JPH2: variants seen among roughly 807,000 people sequenced by gnomAD.
JPH2 encodes junctophilin 2, also known as junctophilin-2.
A neutral mutation model predicts 55.9 loss-of-function variants in JPH2; 38 were observed. That is an observed-to-expected ratio of 0.68 (90% confidence interval 0.52 to 0.89). The LOEUF is 0.89. Among genes scored for constraint, JPH2 ranks in the 40% least tolerant of loss-of-function variants. The pLI, the probability that JPH2 is intolerant of heterozygous loss-of-function variation, is 0.00. For synonymous variants in JPH2, 480 were observed against 472.4 expected (o/e 1.02, Z -0.21); for missense variants, 964 against 1,037.6 (o/e 0.93, Z 0.97).
chr20:44,109,984 C>T lies in JPH2; in HGVS notation c.*3534G>A, dbSNP rs2072130775. Among the ~76,000 whole-genome samples, 1 of 152,162 alleles carries T rather than the reference C, an allele frequency of 6.6e-6. No homozygotes were observed. Among genetic ancestry groups the T allele is most frequent in the South Asian group, 2.1e-4 (1 of 4,836 alleles). On this transcript the variant is annotated 3_prime_UTR_variant, in exon 6 of 6. Transcript: ENST00000372980. Reference sequence around the variant, plus strand: ...TGCATGGTACAAACCACCTTAAATGCATTCCGGGCATGGCAGGAGACCCAT... The same window carrying T: ...TGCATGGTACAAACCACCTTAAATGTATTCCGGGCATGGCAGGAGACCCAT...
At chr20:44,155,561 G>A (rs1321422314) in intron 2 of JPH2, among the ~76,000 whole-genome samples, 1 of 152,210 alleles carries the variant, frequency 6.6e-6, no homozygotes, top group East Asian at 1.9e-4. Context: ...AGTGTGGGCT[G>A]CACTGAGTGT....
At chr20:44,164,276 T>C (rs2072638355) in intron 1 of JPH2, among the ~76,000 whole-genome samples, 1 of 152,164 alleles carries the variant, frequency 6.6e-6, no homozygotes, top group Non-Finnish European at 1.5e-5. Flanking sequence ...TGTGATCCCA[T>C]TGGATGGAGG....
chr20:44,173,505 CAG>C lies in JPH2; in HGVS notation c.379+12820_379+12821del, dbSNP rs1452769740. Among the ~76,000 whole-genome samples the C allele has an allele frequency of 1.1e-4, 17 of 152,168 alleles. No individual in the cohort carries two copies. In the South Asian group the frequency reaches 3.3e-3, roughly 30 times the overall value. On this transcript the variant is annotated intron_variant, in intron 1 of 5. Transcript: ENST00000372980. ...TAAAAAATGCTACCTTCCAAACTTT[CAG>C]AGACATAAATTTAAATAATAAACCC...
chr20:44,170,675 A>G (rs1049357194), intron 1 of JPH2, among the ~76,000 whole-genome samples: 1 of 152,248 alleles, frequency 6.6e-6, no homozygotes, highest in Admixed American at 6.5e-5. Context: ...TGGACCCAGC[A>G]TCCCAGAGAA....
At chr20:44,146,882 C>A (rs1431106830) in intron 2 of JPH2, among the ~76,000 whole-genome samples, 1 of 152,186 alleles carries the variant, frequency 6.6e-6, no homozygotes, top group African/African-American at 2.4e-5. Context: ...TAAATTGCAA[C>A]CCTTTTGGAT....
At chr20:44,129,839 G>A (rs1040273484) in intron 2 of JPH2, among the ~76,000 whole-genome samples, 2 of 152,132 alleles carry the variant, frequency 1.3e-5, no homozygotes, top group African/African-American at 4.8e-5. Flanking sequence ...AGAAGCCAAT[G>A]TGATGATGGG....
At chr20:44,133,716 G>C (rs1374934399) in intron 2 of JPH2, among the ~76,000 whole-genome samples, 2 of 150,694 alleles carry the variant, frequency 1.3e-5, no homozygotes, top group East Asian at 1.9e-4. Flanking sequence ...GAAAGGCCTG[G>C]GTTAAAAACC....
intron 2 of JPH2, among the ~76,000 whole-genome samples, chr20:44,134,250 C>A (rs563156912): frequency 3.1e-4 from 4 of 13,058 alleles, no homozygotes; most frequent in African/African-American, 3.8e-4. Flanking sequence ...ATTATAAATA[C>A]ATATAAATAA....
Position 44,137,428 on chromosome 20 carries a change from C to T in JPH2, c.1170-18805G>A, listed in dbSNP as rs61418569. On this transcript the variant is annotated intron_variant, in intron 2 of 5. Coordinates refer to ENST00000372980, the MANE Select transcript of JPH2 (RefSeq NM_020433.5). Reference sequence around the variant, plus strand: ...CTCCCGCCCCTCCCCAGGTGGGGCTCGGCTGGGGCATTCCAGCTTTTCCCA... The same window carrying T: ...CTCCCGCCCCTCCCCAGGTGGGGCTTGGCTGGGGCATTCCAGCTTTTCCCA... Among the ~76,000 whole-genome samples the T allele has an allele frequency of 1.7e-3, 258 of 152,298 alleles. 1 individual carries two copies. The highest frequency in any genetic ancestry group is 5.8e-3 in the African/African-American group (241 of 41,562).
chr20:44,153,377 A>G (rs981259897), intron 2 of JPH2, among the ~76,000 whole-genome samples: 1 of 152,226 alleles, frequency 6.6e-6, no homozygotes, highest in African/African-American at 2.4e-5. Flanking sequence ...CACACAGTTT[A>G]TAAGAGGCTG....
chr20:44,147,648 T>G lies in JPH2; in HGVS notation c.1169+11970A>C, dbSNP rs6103654. Among the ~76,000 whole-genome samples, 6 of 152,358 alleles carry G rather than the reference T, an allele frequency of 3.9e-5. No individual in the cohort carries two copies. In the East Asian group the frequency reaches 1.2e-3, roughly 29 times the overall value. ...ACAGGGGATTTATTACTTTTTTATT[T>G]TGTACGTGTATGACCTTCCTTGGAT... On this transcript the variant is annotated intron_variant, in intron 2 of 5. Transcript: ENST00000372980.
At chr20:44,121,622 A>G (rs942407293) in intron 2 of JPH2, among the ~76,000 whole-genome samples, 26 of 149,942 alleles carry the variant, frequency 1.7e-4, no homozygotes, top group Admixed American at 1.5e-3. Flanking sequence ...TAACCCCCCA[A>G]TAACTCTACA....
At chr20:44,120,370 T>C (rs1451606137) in intron 2 of JPH2, among the ~76,000 whole-genome samples, 1 of 152,176 alleles carries the variant, frequency 6.6e-6, no homozygotes, top group Non-Finnish European at 1.5e-5. Context: ...GAGATGTCTG[T>C]TTCAGCTGTC....
At chr20:44,118,291 T>A (rs1323930370) in intron 3 of JPH2, among the ~76,000 whole-genome samples, 1 of 152,184 alleles carries the variant, frequency 6.6e-6, no homozygotes, top group African/African-American at 2.4e-5. Context: ...TTGGAGTGAC[T>A]CTGCTGCCCT....
intron 2 of JPH2, among the ~76,000 whole-genome samples, chr20:44,149,816 A>C (rs1047855199): frequency 6.6e-6 from 1 of 152,190 alleles, no homozygotes; most frequent in Non-Finnish European, 1.5e-5. Flanking sequence ...CATCTCTACT[A>C]AAAATACAAA....
At chr20:44,165,450 G>A (rs112259693) in intron 1 of JPH2, among the ~76,000 whole-genome samples, 7,710 of 152,196 alleles carry the variant, frequency 0.051, 294 homozygotes, top group Non-Finnish European at 0.079. Context: ...CTCTCACCTG[G>A]ATTTTCATAG....
intron 2 of JPH2, among the ~76,000 whole-genome samples, chr20:44,151,873 T>G (rs2072533194): frequency 6.6e-6 from 1 of 152,222 alleles, no homozygotes; most frequent in African/African-American, 2.4e-5. Context: ...CCTACCTTCA[T>G]GTCTTTGCAC....
chr20:44,164,066 G>A (rs987788810), intron 1 of JPH2, among the ~76,000 whole-genome samples: 1 of 152,222 alleles, frequency 6.6e-6, no homozygotes, highest in African/African-American at 2.4e-5. Flanking sequence ...GAGAAGTTAT[G>A]TGACTTGCCC....
At chr20:44,144,104 TAG>T (rs947867801) in intron 2 of JPH2, among the ~76,000 whole-genome samples, 21 of 152,146 alleles carry the variant, frequency 1.4e-4, no homozygotes, top group African/African-American at 4.6e-4. Context: ...GGGTTATTTT[TAG>T]AGAGTTGGGT....
Sources: allele counts gnomAD v4.1 joint callset (sites outside exome capture counted in the v4.1 genomes callset), GRCh38; gene constraint gnomAD v4.1.1; transcripts MANE v1.5; gene names NCBI Gene and HGNC (gene_info 2026-07-23, HGNC 2026-07-21).